Variants in EPHA7 observed in about 807,000 individuals in gnomAD.
EPHA7 encodes the protein ephrin type-A receptor 7.
A neutral mutation model predicts 112.6 loss-of-function variants in EPHA7; 25 were observed. The ratio of observed to expected loss-of-function variants is 0.22; its 90% CI spans 0.16 to 0.31. The LOEUF is 0.31. Ranked by LOEUF, EPHA7 falls within the 10% of genes least tolerant of loss-of-function variation. EPHA7 has a pLI of 1.00. For missense variants in EPHA7, 962 were observed against 1,212.6 expected (o/e 0.79, Z 3.07); for synonymous variants, 437 against 406.5 (o/e 1.07, Z -0.90).
intron 5 of EPHA7, among the ~76,000 whole-genome samples, chr6:93,352,322 T>C: frequency 6.6e-6 from 1 of 152,136 alleles, no homozygotes; most frequent in East Asian, 1.9e-4. Flanking sequence ...TTCTGCATAC[T>C]ACTTCTGTGC....
At chr6:93,293,837 A>ATGT (rs1772512319) in intron 5 of EPHA7, among the ~76,000 whole-genome samples, 1 of 152,194 alleles carries the variant, frequency 6.6e-6, no homozygotes, top group Non-Finnish European at 1.5e-5. Context: ...CTTTGTTATG[A>ATGT]TTCAGCCCTG....
rs1407701964 is a variant in EPHA7 at position 93,415,080 on chromosome 6, C to T, written c.98-313G>A. Among the ~76,000 whole-genome samples the T allele has an allele frequency of 7.2e-5, 11 of 152,028 alleles. No individual in the cohort carries two copies. In the East Asian group the frequency reaches 7.7e-4, roughly 11 times the overall value. ...TTAATTCCACAGTAATTATATATTA[C>T]GGTTTTGTAAACCATTGAGCTGTTC... On this transcript the variant is annotated intron_variant, in intron 1 of 16. Transcript: ENST00000369303.
At chr6:93,282,760 C>G (rs1303718078) in intron 5 of EPHA7, among the ~76,000 whole-genome samples, 3 of 152,230 alleles carry the variant, frequency 2.0e-5, no homozygotes, top group Non-Finnish European at 4.4e-5. Context: ...ACCTGCCAGC[C>G]CCGAGCAGTG....
intron 5 of EPHA7, among the ~76,000 whole-genome samples, chr6:93,293,747 A>C (rs1312855538): frequency 2.0e-5 from 3 of 152,178 alleles, no homozygotes; most frequent in Non-Finnish European, 2.9e-5. Flanking sequence ...ACAGTAAAGA[A>C]AAGCTTTCAA....
At chr6:93,259,572 A>G (rs1770594630) in intron 9 of EPHA7, 93 bp from the exon 10 acceptor site, 1 of 1,473,286 alleles carries the variant, frequency 6.8e-7, no homozygotes, top group Non-Finnish European at 9.3e-7. Flanking sequence ...GCTCCTTGGA[A>G]CAGTGAACTT....
At chr6:93,387,162 C>T (rs1347102148) in intron 3 of EPHA7, among the ~76,000 whole-genome samples, 3 of 152,030 alleles carry the variant, frequency 2.0e-5, no homozygotes, top group Non-Finnish European at 4.4e-5. Context: ...TGCTCTGTTT[C>T]CTCTTGTATG....
intron 5 of EPHA7, among the ~76,000 whole-genome samples, chr6:93,344,717 T>C (rs1236862988): frequency 2.0e-5 from 3 of 151,584 alleles, no homozygotes; most frequent in East Asian, 3.9e-4. Flanking sequence ...CTTCATTCTA[T>C]TGACCTCCTG....
intron 1 of EPHA7, among the ~76,000 whole-genome samples, chr6:93,417,084 C>A (rs1355998111): frequency 6.6e-6 from 1 of 152,124 alleles, no homozygotes; most frequent in Non-Finnish European, 1.5e-5. Flanking sequence ...GCGGCGGCGG[C>A]ATTTACGGAG....
At chr6:93,376,914 G>A (rs1239506056) in intron 3 of EPHA7, among the ~76,000 whole-genome samples, 12 of 152,038 alleles carry the variant, frequency 7.9e-5, no homozygotes, top group Non-Finnish European at 1.5e-4. Context: ...CTAGCGTTCC[G>A]CATTCCTGGA....
chr6:93,304,597 T>C (rs546273717), intron 5 of EPHA7, among the ~76,000 whole-genome samples: 1 of 152,162 alleles, frequency 6.6e-6, no homozygotes, highest in South Asian at 2.1e-4. Flanking sequence ...TCCGGGAAAT[T>C]AGATAAAAAT....
chr6:93,375,527 A>G (rs1777012905), intron 3 of EPHA7, among the ~76,000 whole-genome samples: 1 of 151,830 alleles, frequency 6.6e-6, no homozygotes, highest in African/African-American at 2.4e-5. Context: ...CTGATGCAGG[A>G]GGATCACTTA....
chr6:93,399,630 G>T (rs1191064992), intron 3 of EPHA7, among the ~76,000 whole-genome samples: 1 of 151,952 alleles, frequency 6.6e-6, no homozygotes, highest in Non-Finnish European at 1.5e-5. Context: ...TTGTTTTCTT[G>T]CTCCACTATG....
At chr6:93,391,871 T>C (rs1777924887) in intron 3 of EPHA7, among the ~76,000 whole-genome samples, 1 of 151,882 alleles carries the variant, frequency 6.6e-6, no homozygotes, top group East Asian at 1.9e-4. Context: ...CTCTTCACGG[T>C]TTATGAGATT....
Position 93,419,416 on chromosome 6 carries a change from T to C in EPHA7, c.-75A>G. 1 of 1,260,588 alleles carries C rather than the reference T, an allele frequency of 7.9e-7. No individual in the cohort carries two copies. Among genetic ancestry groups the C allele is most frequent in the Non-Finnish European group, 1.1e-6 (1 of 874,752 alleles). The allele number at this position is 1,260,588 out of a possible 1,614,324, so 78.1% of individuals were successfully genotyped here. On this transcript the variant is annotated 5_prime_UTR_variant, in exon 1 of 17. Coordinates refer to ENST00000369303, the MANE Select transcript of EPHA7 (RefSeq NM_004440.4). The stretch of plus-strand genomic sequence containing the variant: ...TTTTTAAATGCTGTTTGTTCCGAAG[T>C]AGCTTTTGTTTTATTGTGCTCCTTG...
intron 5 of EPHA7, among the ~76,000 whole-genome samples, chr6:93,331,302 C>T (rs1051022422): frequency 3.3e-5 from 5 of 151,294 alleles, no homozygotes; most frequent in Admixed American, 6.6e-5. Context: ...ATAATAAAAT[C>T]GTGTTTTTTA....
intron 3 of EPHA7, among the ~76,000 whole-genome samples, chr6:93,362,286 G>A (rs756332302): frequency 2.0e-4 from 30 of 152,024 alleles, no homozygotes; most frequent in Middle Eastern, 3.4e-3. Context: ...ATTATTTACT[G>A]CAATATATCT....
chr6:93,360,593 T>G (rs1776213659), intron 3 of EPHA7, among the ~76,000 whole-genome samples: 1 of 152,148 alleles, frequency 6.6e-6, no homozygotes, highest in Non-Finnish European at 1.5e-5. Context: ...ATTCTCCCAT[T>G]GCAAATAAAA....
intron 5 of EPHA7, among the ~76,000 whole-genome samples, chr6:93,295,174 T>A (rs1466743582): frequency 6.6e-6 from 1 of 151,958 alleles, no homozygotes; most frequent in East Asian, 1.9e-4. Context: ...ATTTCAGTAG[T>A]GAGATAATTT....
At chr6:93,287,347 T>C (rs1772118529) in intron 5 of EPHA7, among the ~76,000 whole-genome samples, 1 of 152,126 alleles carries the variant, frequency 6.6e-6, no homozygotes, top group Non-Finnish European at 1.5e-5. Flanking sequence ...TTAGTCTGGC[T>C]TCGGTCCACC....
Sources: gnomAD v4.1 joint callset for allele counts (sites outside exome capture counted in the v4.1 genomes callset) on GRCh38, gnomAD v4.1.1 for gene constraint, MANE v1.5 for transcripts, NCBI Gene and HGNC (gene_info 2026-07-23, HGNC 2026-07-21) for gene names.